Variants in GAA observed in about 807,000 individuals in gnomAD.
GAA encodes the protein lysosomal alpha-glucosidase.
GAA carries 88 observed loss-of-function variants against 103.9 expected under a neutral mutation model. The observed-to-expected ratio is 0.85, with a 90% CI of 0.71 to 1.01. GAA has a LOEUF of 1.01. Among genes scored for constraint, GAA ranks in the 50% least tolerant of loss-of-function variants. The pLI, the probability that GAA is intolerant of heterozygous loss-of-function variation, is 0.00. For missense variants in GAA, 1,350 were observed against 1,305.3 expected, an observed-to-expected ratio of 1.03 and a Z score of -0.53; for synonymous variants, 572 against 563.1, an observed-to-expected ratio of 1.02 and a Z score of -0.22.
intron 14 of GAA, 28 bp downstream of exon 14, chr17:80,113,055 T>C (rs759807875): frequency 6.3e-7 from 1 of 1,593,178 alleles, no homozygotes; most frequent in African/African-American, 1.3e-5. Context: ...GCATGGCAGG[T>C]GGGCGATCCC....
At chr17:80,103,650 G>A (rs1046407626) in intron 1 of GAA, among the ~76,000 whole-genome samples, 3 of 152,130 alleles carry the variant, frequency 2.0e-5, no homozygotes, top group Admixed American at 6.5e-5. Flanking sequence ...TCATCTGCAC[G>A]CGACATCCTT....
At position 80,110,793 on chromosome 17, in the gene GAA, A is replaced by C; in HGVS notation, c.1504A>C (p.Met502Leu). The C allele has an allele frequency of 6.2e-7, 1 of 1,614,108 alleles. No individual in the cohort carries two copies. Among genetic ancestry groups the C allele is most frequent in the Non-Finnish European group, 8.5e-7 (1 of 1,179,998 alleles). ...CACAGCCCTGGCCTGGTGGGAGGAC[A>C]TGGTGGCTGAGTTCCATGACCAGGT... ...NPTALAWWED[M>L]VAEFHDQVPF... Residue 502 changes from methionine to leucine, a missense_variant, in exon 10 of 20, where the codon ATG becomes CTG. Transcript: ENST00000302262.
At position 80,107,143 on chromosome 17, in the gene GAA, C is replaced by G. The variant is rs12941289; in HGVS notation, c.693-414C>G. Among the ~76,000 whole-genome samples, 99,329 of 151,802 alleles carry G rather than the reference C, an allele frequency of 0.65. 33,345 individuals are homozygous for G. Among genetic ancestry groups the G allele is most frequent in the Middle Eastern group, 0.85 (250 of 294 alleles). On this transcript the variant is annotated intron_variant, in intron 3 of 19. Transcript: ENST00000302262. Reference sequence around the variant, plus strand: ...CCCAGCAAACCTCAGGGGTCCTTCTCAGGCATGGCTGGGCTGGGATCTGGG... The same window carrying G: ...CCCAGCAAACCTCAGGGGTCCTTCTGAGGCATGGCTGGGCTGGGATCTGGG...
At chr17:80,108,009 T>C in intron 5 of GAA, 113 bp downstream of exon 5, 3 of 1,148,266 alleles carry the variant, frequency 2.6e-6, no homozygotes, top group East Asian at 5.1e-5. Context: ...TTGTGTTTTC[T>C]GGGAAATGAG....
At position 80,104,499 on chromosome 17, in the gene GAA, C is replaced by A; in HGVS notation, c.-32-56C>A. On this transcript the variant is annotated intron_variant, in intron 1 of 19. Coordinates refer to ENST00000302262, the MANE Select transcript of GAA (RefSeq NM_000152.5). The surrounding 1 kb of genome is among the most constrained non-coding windows in gnomAD (Gnocchi z 4.0). ...TGATGTCTCAGAGCTGCTTTGAGAG[C>A]CCCGTGAGTGCCGCCCCTCCCGCCT... 1 of 1,283,322 alleles carries A rather than the reference C, an allele frequency of 7.8e-7. No individual in the cohort carries two copies. Among genetic ancestry groups the A allele is most frequent in the Non-Finnish European group, 1.1e-6 (1 of 939,888 alleles). The allele number at this position is 1,283,322 out of a possible 1,614,324, so 79.5% of individuals were successfully genotyped here.
At chr17:80,112,238 C>A in intron 12 of GAA, 138 bp downstream of exon 12, 1 of 846,948 alleles carries the variant, frequency 1.2e-6, no homozygotes, top group Non-Finnish European at 1.9e-6. Context: ...GAGTGCTCTC[C>A]CCACCCGCTG....
At chr17:80,113,480 C>G in intron 15 of GAA, 114 bp downstream of exon 15, 1 of 1,030,700 alleles carries the variant, frequency 9.7e-7, no homozygotes, top group Non-Finnish European at 1.4e-6. Context: ...AGCAGGTTGC[C>G]GCTGAGTGAG....
At position 80,110,841 on chromosome 17, in the gene GAA, G is replaced by T. The variant is rs770780848; in HGVS notation, c.1551+1G>T. The T allele has an allele frequency of 9.3e-6, 15 of 1,614,058 alleles. No individual in the cohort carries two copies. The highest frequency in any genetic ancestry group is 2.2e-5 in the East Asian group (1 of 44,878). ...GGTGCCCTTCGACGGCATGTGGATT[G>T]TAAGTGTGGCCCCCTCCTGAGCATC... is the stretch of plus-strand genomic sequence containing the variant. On this transcript the variant is annotated splice_donor_variant, in intron 10 of 19. Transcript: ENST00000302262. LOFTEE classifies it high-confidence loss of function.
Position 80,119,422 on chromosome 17 carries a change from G to A in GAA, c.*91G>A, listed in dbSNP as rs2229221. On this transcript the variant is annotated 3_prime_UTR_variant, in exon 20 of 20. Transcript: ENST00000302262. ...GGGCAGCAGCTGTGTGCGGGCCTGG[G>A]GGTTGCATGTGTCACCTGGAGCTGG... is the stretch of plus-strand genomic sequence containing the variant. 90,246 of 1,111,078 alleles carry A rather than the reference G, an allele frequency of 0.081. 4,923 individuals carry two copies. Among genetic ancestry groups the A allele is most frequent in the African/African-American group, 0.24 (15,900 of 64,972 alleles). 68.8% of individuals were successfully genotyped at this position (1,111,078 alleles called of 1,614,324 possible).
At position 80,110,995 on chromosome 17, in the gene GAA, A is replaced by G. The variant is rs2039224225; in HGVS notation, c.1606A>G (p.Asn536Asp). 6.2e-7 allele frequency: 1 copy of G among 1,613,682 alleles called. No individual in the cohort carries two copies. Among genetic ancestry groups the G allele is most frequent in the South Asian group, 1.1e-5 (1 of 91,076 alleles). Residue 536 changes from asparagine (N) to aspartate (D), a missense_variant, in exon 11 of 20, where the codon AAT becomes GAT. Transcript: ENST00000302262. ...GGGCTCTGAGGACGGCTGCCCCAAC[A>G]ATGAGCTGGAGAACCCACCCTACGT... Reference protein sequence around the residue: ...IRGSEDGCPNNELENPPYVPG... With the variant: ...IRGSEDGCPNDELENPPYVPG...
rs2143827161 is a variant in GAA at position 80,104,889 on chromosome 17, A to G, written c.303A>G (p.Glu101=). ...CCCCTGACAAGGCCATCACCCAGGAACAGTGCGAGGCCCGCGGCTGTTGCT... is the reference window on the plus strand; with the variant it reads ...CCCCTGACAAGGCCATCACCCAGGAGCAGTGCGAGGCCCGCGGCTGTTGCT... The part of the protein sequence containing the change: ...DCAPDKAITQ[E]QCEARGCCYI... The change falls in exon 2 of 20, where the codon GAA becomes GAG. Residue 101 remains glutamate (E), a synonymous_variant. Coordinates refer to ENST00000302262, the MANE Select transcript of GAA (RefSeq NM_000152.5). The surrounding 1 kb of genome is among the most constrained non-coding windows in gnomAD (Gnocchi z 4.0). 6.2e-7 allele frequency: 1 copy of G among 1,612,878 alleles called. No homozygotes were observed. Among genetic ancestry groups the G allele is most frequent in the Non-Finnish European group, 8.5e-7 (1 of 1,179,912 alleles).
chr17:80,112,755 G>C, intron 13 of GAA, 44 bp downstream of exon 13: 1 of 1,586,916 alleles, frequency 6.3e-7, no homozygotes, highest in East Asian at 2.3e-5. Context: ...GTAGAGCCGG[G>C]GGCCTCTATG....
rs1393551214 is a variant in GAA, at chr17:80,108,503, C to T, written c.1090C>T (p.Pro364Ser). 1 of 1,612,986 alleles carries T rather than the reference C, an allele frequency of 6.2e-7. No individual in the cohort carries two copies. The highest frequency in any genetic ancestry group is 8.5e-7 in the Non-Finnish European group (1 of 1,179,976). The change falls in exon 7 of 20, where the codon CCG becomes TCG. Residue 364 changes from proline (P) to serine (S), a missense_variant. Pro to Ser is a moderately conservative substitution (Grantham distance 74). Coordinates refer to ENST00000302262, the MANE Select transcript of GAA (RefSeq NM_000152.5). Reference protein sequence around the residue: ...YLDVVGYPFMPPYWGLGFHLC... With the variant: ...YLDVVGYPFMSPYWGLGFHLC... The stretch of plus-strand genomic sequence containing the variant: ...TTGGCCTGCAGGATACCCGTTCATG[C>T]CGCCATACTGGGGCCTGGGCTTCCA...
chr17:80,106,034 G>A (rs2039079201), intron 3 of GAA, 140 bp downstream of exon 3: 12 of 1,183,004 alleles, frequency 1.0e-5, no homozygotes, highest in South Asian at 3.1e-5. Context: ...GGAGGGCGAC[G>A]GGCATTTCTC....
chr17:80,118,859 G>A, intron 19 of GAA, 54 bp downstream of exon 19: 3 of 1,600,936 alleles, frequency 1.9e-6, no homozygotes, highest in Non-Finnish European at 1.7e-6. Flanking sequence ...TGGTGCAGGG[G>A]GCAGAAGGTG....
At chr17:80,116,536 C>G (rs1247466897) in intron 15 of GAA, among the ~76,000 whole-genome samples, 1 of 152,242 alleles carries the variant, frequency 6.6e-6, no homozygotes, top group Admixed American at 6.5e-5. Context: ...GTACATTCAT[C>G]TTTTTGTCAG....
intron 17 of GAA, 130 bp from the exon 18 acceptor site, chr17:80,118,063 G>A: frequency 9.3e-7 from 1 of 1,078,248 alleles, no homozygotes; most frequent in South Asian, 1.5e-5. Context: ...AGCCCCTGCG[G>A]CCGCAGGTGT....
chr17:80,110,901 C>T (rs1320828555), intron 10 of GAA, 40 bp from the exon 11 acceptor site: 2 of 1,613,574 alleles, frequency 1.2e-6, no homozygotes, highest in Admixed American at 1.7e-5. Flanking sequence ...ACCCTCCTCA[C>T]TCTGGGCAGA....
At position 80,108,727 on chromosome 17, in the gene GAA, G is replaced by A; in HGVS notation, c.1225G>A (p.Asp409Asn). 1 of 1,612,506 alleles carries A rather than the reference G, an allele frequency of 6.2e-7. No homozygotes were observed. Among genetic ancestry groups the A allele is most frequent in the Non-Finnish European group, 8.5e-7 (1 of 1,179,844 alleles). ...DVQWNDLDYM[D>N]SRRDFTFNKD... is the part of the protein sequence containing the mutation. ...CCAGTGGAACGACCTGGACTACATG[G>A]ACTCCCGGAGGGACTTCACGTTCAA... The change falls in exon 8 of 20, where the codon GAC (aspartate) becomes AAC (asparagine). Residue 409 changes from aspartate (D) to asparagine (N), a missense_variant. Coordinates refer to ENST00000302262, the MANE Select transcript of GAA (RefSeq NM_000152.5).
Sources: allele counts gnomAD v4.1 joint callset (sites outside exome capture counted in the v4.1 genomes callset), GRCh38; gene constraint gnomAD v4.1.1; non-coding constraint Gnocchi (gnomAD v3.1); transcripts MANE v1.5; gene names NCBI Gene and HGNC (gene_info 2026-07-23, HGNC 2026-07-21).